Variants in ZFAT observed in about 807,000 individuals in gnomAD.
The protein encoded by ZFAT is zinc finger protein ZFAT.
Under a neutral mutation model 117.7 loss-of-function variants are expected in ZFAT, and 64 were observed. The observed-to-expected ratio is 0.54, with a 90% CI of 0.44 to 0.67. ZFAT has a LOEUF of 0.67. Among genes scored for constraint, ZFAT ranks in the 30% least tolerant of loss-of-function variants. The pLI, the probability that ZFAT is intolerant of heterozygous loss-of-function variation, is 0.00. For missense variants in ZFAT, 1,433 were observed against 1,584.5 expected, an observed-to-expected ratio of 0.90 and a Z score of 1.62; for synonymous variants, 679 against 615.0, an observed-to-expected ratio of 1.10 and a Z score of -1.54.
chr8:134,495,524 A>T (rs990572099), intron 15 of ZFAT, among the ~76,000 whole-genome samples: 1 of 152,172 alleles, frequency 6.6e-6, no homozygotes, highest in African/African-American at 2.4e-5. Context: ...ATTACTCACA[A>T]TGACTCAACA....
In ZFAT at chr8:134,583,865, G is replaced by C. The variant is rs758960884; in HGVS notation, c.2854C>G (p.Leu952Val). ...CGKKFKSKGT[L>V]KSHKLLHTAD... ...GTGTGAAGGAGTTTGTGACTTTTCA[G>C]TGTCCCTTTTGATTTGAATTTCTTG... is the stretch of plus-strand genomic sequence containing the variant. The change falls in exon 10 of 16, where the codon CTG becomes GTG. Residue 952 changes from leucine (L) to valine (V), a missense_variant. Leu to Val is a conservative substitution (Grantham distance 32). Transcript: ENST00000377838. 1 of 1,613,532 alleles carries C rather than the reference G, an allele frequency of 6.2e-7. No homozygotes were observed. Among genetic ancestry groups the C allele is most frequent in the South Asian group, 1.1e-5 (1 of 90,834 alleles).
intron 5 of ZFAT, among the ~76,000 whole-genome samples, chr8:134,606,087 G>A (rs1047304969): frequency 3.9e-5 from 6 of 152,214 alleles, no homozygotes; most frequent in African/African-American, 1.4e-4. Flanking sequence ...TCCAGGAAAA[G>A]GAAGCGGTGC....
chr8:134,775,950 C>A, the ZFAT span, among the ~76,000 whole-genome samples: 3 of 152,302 alleles, frequency 2.0e-5, no homozygotes, highest in Non-Finnish European at 2.9e-5. Flanking sequence ...GTGAAAGGAT[C>A]CATAGCCTGG....
chr8:134,658,256 G>A (rs761581532), intron 1 of ZFAT, among the ~76,000 whole-genome samples: 51 of 151,370 alleles, frequency 3.4e-4, no homozygotes, highest in Admixed American at 6.6e-4. Flanking sequence ...AGGATGGCGT[G>A]AACCCGGGAG....
chr8:134,721,491 G>T, the ZFAT span, among the ~76,000 whole-genome samples: 1 of 152,156 alleles, frequency 6.6e-6, no homozygotes, highest in Non-Finnish European at 1.5e-5. Context: ...CTGCACTCGG[G>T]TGTTTATAGT....
At chr8:134,583,497 G>C (rs925999512) in intron 10 of ZFAT, among the ~76,000 whole-genome samples, 2 of 152,180 alleles carry the variant, frequency 1.3e-5, no homozygotes, top group African/African-American at 4.8e-5. Flanking sequence ...TGAGCTCCAG[G>C]TGGTGATGGA....
At chr8:134,575,940 C>G (rs1436952173) in intron 10 of ZFAT, among the ~76,000 whole-genome samples, 4 of 152,208 alleles carry the variant, frequency 2.6e-5, no homozygotes, top group Non-Finnish European at 5.9e-5. Context: ...AAAGGCTGAA[C>G]TTCAAGCAAC....
rs527687174 is a variant in ZFAT at position 134,618,405 on chromosome 8, G to A, written c.449-7750C>T. Among the ~76,000 whole-genome samples the A allele has an allele frequency of 2.6e-5, 4 of 152,190 alleles. No individual in the cohort carries two copies. The East Asian group carries it at 5.8e-4, about 22-fold the overall frequency. ...TGTGGTGTTTGCTGCAGAATGAGGC[G>A]GGGAGTCACACCCCTGGTTTCCAGT... On this transcript the variant is annotated intron_variant, in intron 3 of 15. Transcript: ENST00000377838.
intron 5 of ZFAT, among the ~76,000 whole-genome samples, chr8:134,603,933 A>G (rs1031954814): frequency 6.6e-6 from 1 of 152,220 alleles, no homozygotes; most frequent in South Asian, 2.1e-4. Context: ...TTGGTTTAGA[A>G]CACAGATGGG....
intron 1 of ZFAT, among the ~76,000 whole-genome samples, chr8:134,709,484 A>T (rs1456063892): frequency 6.6e-6 from 1 of 152,198 alleles, no homozygotes; most frequent in Non-Finnish European, 1.5e-5. Flanking sequence ...TAAATGTTCC[A>T]GCCCTTAAAG....
chr8:134,631,563 G>A (rs1225418985), intron 3 of ZFAT, among the ~76,000 whole-genome samples: 3 of 152,272 alleles, frequency 2.0e-5, no homozygotes, highest in East Asian at 3.9e-4. Flanking sequence ...ACCACAAAAG[G>A]TCACATACTG....
At chr8:134,716,770 T>C (rs763272523), upstream of ZFAT, among the ~76,000 whole-genome samples, 41 of 152,356 alleles carry the variant, frequency 2.7e-4, no homozygotes, top group Non-Finnish European at 5.1e-4. Flanking sequence ...TATGCAAAAA[T>C]AGACATATAA....
intron 7 of ZFAT, chr8:134,600,125 A>C: frequency 2.4e-6 from 1 of 410,074 alleles, no homozygotes; most frequent in East Asian, 5.4e-5. Context: ...ATTATTCTTT[A>C]AAATGTCATT....
intron 10 of ZFAT, among the ~76,000 whole-genome samples, chr8:134,572,550 G>A (rs544927040): frequency 6.6e-6 from 1 of 152,200 alleles, no homozygotes; most frequent in African/African-American, 2.4e-5. Context: ...ACTTACGGGT[G>A]CTCTTTCTGA....
intron 1 of ZFAT, among the ~76,000 whole-genome samples, chr8:134,658,953 C>T (rs889412472): frequency 4.6e-5 from 7 of 152,256 alleles, no homozygotes; most frequent in African/African-American, 1.4e-4. Flanking sequence ...GAAAGCACAA[C>T]ACTGACTCGG....
chr8:134,601,355 G>A lies in ZFAT; in HGVS notation c.2242+122C>T, dbSNP rs576058744. On this transcript the variant is annotated intron_variant, in intron 6 of 15. Transcript: ENST00000377838. The stretch of plus-strand genomic sequence containing the variant: ...CAGGGTCACCGTTCCTATCTACAAT[G>A]GAGGAGGATGGCTCACTTAGAAGGT... 3.0e-4 allele frequency: 421 copies of A among 1,400,986 alleles called. No homozygotes were observed. In the Middle Eastern group the frequency reaches 3.1e-3, roughly 10 times the overall value. The allele number at this position is 1,400,986 out of a possible 1,614,324, so 86.8% of individuals were successfully genotyped here. A position where few individuals can be genotyped will look rare whatever the true frequency, so the allele number is the denominator to read the frequency against.
chr8:134,786,591 T>C, the ZFAT span, among the ~76,000 whole-genome samples: 1 of 152,334 alleles, frequency 6.6e-6, no homozygotes, highest in East Asian at 1.9e-4. Context: ...GTTAAATCAT[T>C]CTCCCATATG....
At chr8:134,715,177 A>G (rs1563783554), upstream of ZFAT, among the ~76,000 whole-genome samples, 1 of 152,184 alleles carries the variant, frequency 6.6e-6, no homozygotes, top group African/African-American at 2.4e-5. Flanking sequence ...GATTGCTCCT[A>G]GATGTTGTGA....
At chr8:134,606,876 C>T (rs895937767) in intron 5 of ZFAT, among the ~76,000 whole-genome samples, 1 of 151,750 alleles carries the variant, frequency 6.6e-6, no homozygotes, top group Non-Finnish European at 1.5e-5. Context: ...GCAATAAGAT[C>T]ATAAATGACT....
Sources: allele counts gnomAD v4.1 joint callset (sites outside exome capture counted in the v4.1 genomes callset), GRCh38; gene constraint gnomAD v4.1.1; transcripts MANE v1.5; gene names NCBI Gene and HGNC (gene_info 2026-07-23, HGNC 2026-07-21).